KLF12: variants seen among roughly 807,000 people sequenced by gnomAD.
KLF12 encodes Krueppel-like factor 12.
In KLF12, 9 loss-of-function variants were observed where a neutral mutation model predicts 37.8. The observed-to-expected ratio is 0.24, with a 90% CI of 0.14 to 0.42. The LOEUF is 0.42. Among genes scored for constraint, KLF12 ranks in the 10% least tolerant of loss-of-function variants. The pLI, the probability that KLF12 is intolerant of heterozygous loss-of-function variation, is 1.00. For missense variants in KLF12, 411 were observed against 516.0 expected (o/e 0.80, Z 1.97); for synonymous variants, 208 against 202.1 (o/e 1.03, Z -0.25).
Position 73,924,481 on chromosome 13 carries a change from C to T in KLF12, c.123+19500G>A, listed in dbSNP as rs150676245. Among the ~76,000 whole-genome samples the T allele has an allele frequency of 3.0e-3, 464 of 152,156 alleles. 5 individuals are homozygous for T. The highest frequency in any genetic ancestry group is 0.014 in the Middle Eastern group (4 of 294). Reference sequence around the variant, plus strand: ...TAACTACAGTGATTTTTTGGGGTGCCATGAACCCTGCCCATAGAAGACTAT... The same window carrying T: ...TAACTACAGTGATTTTTTGGGGTGCTATGAACCCTGCCCATAGAAGACTAT... On this transcript the variant is annotated intron_variant, in intron 3 of 7. Transcript: ENST00000377669.
intron 1 of KLF12, among the ~76,000 whole-genome samples, chr13:74,037,716 T>A (rs1035229536): frequency 6.6e-6 from 1 of 152,200 alleles, no homozygotes; most frequent in Non-Finnish European, 1.5e-5. Flanking sequence ...TGACAATTCA[T>A]TACTCTAGGA....
intron 5 of KLF12, among the ~76,000 whole-genome samples, chr13:73,777,869 T>C (rs946777371): frequency 2.6e-5 from 4 of 151,868 alleles, no homozygotes; most frequent in South Asian, 2.1e-4. Flanking sequence ...CGGTGGCTCA[T>C]GCATGTAATC....
rs538703930 is a variant in KLF12, at chr13:73,823,385, C to T, written c.671-10098G>A. 2.0e-5 allele frequency among the ~76,000 whole-genome samples: 3 copies of T among 152,162 alleles called. No individual in the cohort carries two copies. In the East Asian group the frequency reaches 5.8e-4, roughly 29 times the overall value. On this transcript the variant is annotated intron_variant, in intron 4 of 7. Transcript: ENST00000377669. ...TGATTTACCACAGAAGGGTTCTCTGCTAGTTTCAAAGTTGAAAAGTTAAAA... is the reference window on the plus strand; with the variant it reads ...TGATTTACCACAGAAGGGTTCTCTGTTAGTTTCAAAGTTGAAAAGTTAAAA...
rs149874286 is a variant in KLF12 at position 73,716,346 on chromosome 13, T to A, written c.870-821A>T. 6.0e-3 allele frequency among the ~76,000 whole-genome samples: 910 copies of A among 152,338 alleles called. 40 individuals are homozygous for A. Among genetic ancestry groups the A allele is most frequent in the Admixed American group, 0.049 (749 of 15,296 alleles). ...ATATGACTCATCTTTTTTAGTACCA[T>A]GACATTCTTTAAAATTACAGTGAGA... On this transcript the variant is annotated intron_variant, in intron 6 of 7. Coordinates refer to ENST00000377669, the MANE Select transcript of KLF12 (RefSeq NM_007249.5).
the KLF12 span, among the ~76,000 whole-genome samples, chr13:74,261,466 C>T: frequency 2.6e-5 from 4 of 152,084 alleles, no homozygotes; most frequent in Non-Finnish European, 5.9e-5. Flanking sequence ...TTCATTTTCC[C>T]ATTCTATTCA....
intron 1 of KLF12, among the ~76,000 whole-genome samples, chr13:74,005,662 T>C (rs1441931685): frequency 6.6e-6 from 1 of 152,222 alleles, no homozygotes; most frequent in East Asian, 1.9e-4. Context: ...CACATGACTC[T>C]GTTCAACTTT....
chr13:73,959,657 A>G (rs934913655), intron 2 of KLF12, among the ~76,000 whole-genome samples: 1 of 151,996 alleles, frequency 6.6e-6, no homozygotes, highest in Non-Finnish European at 1.5e-5. Flanking sequence ...CATATGTAAA[A>G]TTATATATCT....
chr13:74,187,974 G>A, the KLF12 span, among the ~76,000 whole-genome samples: 186 of 152,202 alleles, frequency 1.2e-3, no homozygotes, highest in African/African-American at 4.3e-3. Context: ...CAATGACCAG[G>A]CCTTACTCAA....
the KLF12 span, among the ~76,000 whole-genome samples, chr13:74,190,714 T>G: frequency 6.6e-6 from 1 of 152,226 alleles, no homozygotes; most frequent in South Asian, 2.1e-4. Flanking sequence ...AGGTAGATGT[T>G]TATATGCATC....
At chr13:74,145,634 T>C in the KLF12 span, among the ~76,000 whole-genome samples, 1 of 152,348 alleles carries the variant, frequency 6.6e-6, no homozygotes, top group African/African-American at 2.4e-5. Context: ...AAAATATTTA[T>C]ATAATTTAAC....
At chr13:73,892,807 T>A (rs1009762366) in intron 3 of KLF12, among the ~76,000 whole-genome samples, 1 of 152,238 alleles carries the variant, frequency 6.6e-6, no homozygotes, top group Non-Finnish European at 1.5e-5. Flanking sequence ...GACCACTGTC[T>A]CAGTTACAAT....
chr13:73,982,866 A>G (rs1891723674), intron 2 of KLF12, among the ~76,000 whole-genome samples: 1 of 152,026 alleles, frequency 6.6e-6, no homozygotes, highest in African/African-American at 2.4e-5. Context: ...TCAGTATTTC[A>G]GGTTTTCTGT....
chr13:74,280,322 G>C, the KLF12 span, among the ~76,000 whole-genome samples: 1 of 152,122 alleles, frequency 6.6e-6, no homozygotes, highest in Non-Finnish European at 1.5e-5. Context: ...GTAATGACCA[G>C]TTTTGTCCTT....
intron 1 of KLF12, among the ~76,000 whole-genome samples, chr13:74,045,457 C>T (rs1893518073): frequency 6.6e-6 from 1 of 152,058 alleles, no homozygotes; most frequent in Admixed American, 6.5e-5. Flanking sequence ...ACAATTGTCA[C>T]AGCCAAGAGG....
chr13:74,242,995 A>G, the KLF12 span, among the ~76,000 whole-genome samples: 2 of 152,244 alleles, frequency 1.3e-5, no homozygotes, highest in South Asian at 4.2e-4. Flanking sequence ...AACGTGCAGG[A>G]TTGTTACATA....
intron 3 of KLF12, among the ~76,000 whole-genome samples, chr13:73,931,059 T>C (rs566479554): frequency 1.6e-4 from 24 of 152,076 alleles, no homozygotes; most frequent in African/African-American, 5.5e-4. Context: ...TGTTTCTCCA[T>C]GTTGGTCAGG....
intron 1 of KLF12, among the ~76,000 whole-genome samples, chr13:74,039,102 C>A (rs1041303062): frequency 1.4e-5 from 2 of 143,484 alleles, no homozygotes; most frequent in African/African-American, 4.9e-5. Context: ...ATTTTATTTA[C>A]GCATTTTTTT....
chr13:73,846,960 A>C (rs1446172372), intron 3 of KLF12, among the ~76,000 whole-genome samples: 1 of 152,172 alleles, frequency 6.6e-6, no homozygotes, highest in Non-Finnish European at 1.5e-5. Flanking sequence ...AATTTAAGAA[A>C]AACTTATCCT....
chr13:73,777,525 A>G (rs1393686242), intron 5 of KLF12, among the ~76,000 whole-genome samples: 1 of 152,120 alleles, frequency 6.6e-6, no homozygotes, highest in African/African-American at 2.4e-5. Flanking sequence ...CCTGACCAAC[A>G]TGGAGAAACC....
Sources: allele counts gnomAD v4.1 joint callset (sites outside exome capture counted in the v4.1 genomes callset), GRCh38; gene constraint gnomAD v4.1.1; transcripts MANE v1.5; gene names NCBI Gene and HGNC (gene_info 2026-07-23, HGNC 2026-07-21).